Variants in FAM149A observed in about 807,000 individuals in gnomAD.
FAM149A encodes family with sequence similarity 149 member A.
A neutral mutation model predicts 78.2 loss-of-function variants in FAM149A; 71 were observed. That is an observed-to-expected ratio of 0.91 (90% CI 0.75 to 1.11). The LOEUF is 1.11. Ranked by LOEUF, FAM149A falls within the 50% of genes least tolerant of loss-of-function variation. The pLI, the probability that FAM149A is intolerant of heterozygous loss-of-function variation, is 0.00. For missense variants in FAM149A, 1,036 were observed against 971.0 expected (o/e 1.07, Z -0.89); for synonymous variants, 446 against 410.5 (o/e 1.09, Z -1.04).
intron 5 of FAM149A, among the ~76,000 whole-genome samples, 181 bp from the exon 6 acceptor site, chr4:186,154,287 T>A (rs1319130526): frequency 1.3e-5 from 2 of 152,236 alleles, no homozygotes; most frequent in African/African-American, 4.8e-5. Flanking sequence ...TTAAAATGTT[T>A]AATGATGCCT....
At chr4:186,120,460 A>G (rs1375848599) in intron 1 of FAM149A, among the ~76,000 whole-genome samples, 1 of 152,058 alleles carries the variant, frequency 6.6e-6, no homozygotes, top group East Asian at 1.9e-4. Flanking sequence ...GAACAAAATA[A>G]CTCCAAAGAA....
At chr4:186,109,126 C>T (rs2150076636) in intron 1 of FAM149A, 4 of 980,758 alleles carry the variant, frequency 4.1e-6, no homozygotes, top group South Asian at 9.4e-5. Flanking sequence ...GGATTACAGG[C>T]TTGAGCCACC....
intron 9 of FAM149A, among the ~76,000 whole-genome samples, 172 bp from the exon 10 acceptor site, chr4:186,163,252 C>A (rs1456541463): frequency 6.6e-6 from 1 of 152,188 alleles, no homozygotes; most frequent in Non-Finnish European, 1.5e-5. Context: ...GTGGATGATT[C>A]TTCATTGAAA....
At chr4:186,138,683 G>A (rs752744637) in intron 1 of FAM149A, among the ~76,000 whole-genome samples, 37 of 152,254 alleles carry the variant, frequency 2.4e-4, no homozygotes, top group Middle Eastern at 3.4e-3. Flanking sequence ...GCTGGGGTTC[G>A]CCTTGTGTTT....
chr4:186,158,173 C>G, intron 8 of FAM149A: 1 of 1,280,702 alleles, frequency 7.8e-7, no homozygotes, highest in South Asian at 1.3e-5. Flanking sequence ...TCACTGCTGC[C>G]ACCAGAGCCA....
Position 186,156,178 on chromosome 4 carries a change from A to T in FAM149A, c.1408A>T (p.Thr470Ser), listed in dbSNP as rs1338096565. ...AGAGCTGATTAGAAAACACTGGGAAACTACACTCACAGGTACTTACATGCA... is the reference window on the plus strand; with the variant it reads ...AGAGCTGATTAGAAAACACTGGGAATCTACACTCACAGGTACTTACATGCA... Residue 470 changes from threonine (T) to serine (S), a missense_variant, in exon 7 of 14, where the codon ACT (threonine) becomes TCT (serine). Transcript: ENST00000389354. 1 of 1,612,226 alleles carries T rather than the reference A, an allele frequency of 6.2e-7. No individual in the cohort carries two copies. Among genetic ancestry groups the T allele is most frequent in the Non-Finnish European group, 8.5e-7 (1 of 1,179,296 alleles).
chr4:186,128,069 C>T (rs12163744), intron 1 of FAM149A, among the ~76,000 whole-genome samples: 50,211 of 145,014 alleles, frequency 0.35, 9,079 homozygotes, highest in Non-Finnish European at 0.39. Flanking sequence ...CAGCTCACTG[C>T]AACCTCCGCC....
At chr4:186,150,511 C>T (rs1273307763) in intron 3 of FAM149A, among the ~76,000 whole-genome samples, 1 of 138,734 alleles carries the variant, frequency 7.2e-6, no homozygotes, top group African/African-American at 2.6e-5. Context: ...GCTCCGCCTC[C>T]CGGGTTCACG....
intron 1 of FAM149A, chr4:186,107,665 A>T (rs991715299): frequency 6.6e-6 from 1 of 152,400 alleles, no homozygotes; most frequent in African/African-American, 2.4e-5. Context: ...GCCTCAAGCA[A>T]TCTTCCCACC....
intron 1 of FAM149A, among the ~76,000 whole-genome samples, chr4:186,124,526 T>A (rs946067385): frequency 3.2e-4 from 48 of 151,734 alleles, no homozygotes; most frequent in Non-Finnish European, 5.6e-4. Context: ...TGGGTTTCTG[T>A]CCTTGTGACA....
At chr4:186,147,836 G>A (rs765577456) in intron 1 of FAM149A, among the ~76,000 whole-genome samples, 9 of 152,104 alleles carry the variant, frequency 5.9e-5, no homozygotes, top group Non-Finnish European at 7.3e-5. Context: ...AGCATAAAGC[G>A]TGTCCTTTAT....
intron 1 of FAM149A, among the ~76,000 whole-genome samples, chr4:186,136,996 C>CTCTCTT (rs2099323514): frequency 1.4e-5 from 2 of 139,072 alleles, no homozygotes; most frequent in Admixed American, 7.3e-5. Flanking sequence ...CTCTCTCTCT[C>CTCTCTT]TCTCTCTCTC....
intron 1 of FAM149A, chr4:186,133,205 A>G (rs557888223): frequency 1.3e-5 from 13 of 984,124 alleles, no homozygotes; most frequent in African/African-American, 1.7e-5. Context: ...ATAAATATGC[A>G]TGAGACAGAA....
intron 1 of FAM149A, chr4:186,145,191 G>A: frequency 1.0e-6 from 1 of 967,086 alleles, no homozygotes; most frequent in South Asian, 4.8e-5. Context: ...CCCGCGGGCC[G>A]GCTGCGTCTG....
intron 1 of FAM149A, chr4:186,131,992 G>A (rs1459017960): frequency 2.0e-6 from 2 of 985,334 alleles, no homozygotes; most frequent in Non-Finnish European, 2.4e-6. Context: ...TTTTTGAATG[G>A]GTTTAGCTTC....
intron 1 of FAM149A, chr4:186,132,990 T>C (rs1044514822): frequency 2.0e-6 from 2 of 985,278 alleles, no homozygotes; most frequent in African/African-American, 3.5e-5. Flanking sequence ...GACGCTGTGC[T>C]CTGAGACGAG....
chr4:186,156,282 C>A, intron 7 of FAM149A, 92 bp downstream of exon 7: 1 of 1,022,498 alleles, frequency 9.8e-7, no homozygotes, highest in Non-Finnish European at 1.4e-6. Context: ...AGACCTAGAA[C>A]GTGACCAGTG....
chr4:186,132,020 T>C, intron 1 of FAM149A: 1 of 985,470 alleles, frequency 1.0e-6, no homozygotes, highest in Non-Finnish European at 1.2e-6. Context: ...GCTTTCTTAT[T>C]ATCTCCATAA....
In FAM149A at chr4:186,153,765, CAG is replaced by C; in HGVS notation, c.1058_1058+1del. On this transcript the variant is annotated frameshift_variant, in exon 5 of 14. Coordinates refer to ENST00000389354, the MANE Select transcript of FAM149A (RefSeq NM_001367768.3). LOFTEE classifies it high-confidence loss of function. The stretch of plus-strand genomic sequence containing the variant: ...GTGCCTGCGGACACAGCAGCAACAT[CAG>C]AGAGTATGTTCAGATAAGTGACTCT... The C allele has an allele frequency of 6.2e-7, 1 of 1,606,286 alleles. No individual in the cohort carries two copies. The highest frequency in any genetic ancestry group is 1.1e-5 in the South Asian group (1 of 90,762).
Sources: gnomAD v4.1 joint callset for allele counts (sites outside exome capture counted in the v4.1 genomes callset) on GRCh38, gnomAD v4.1.1 for gene constraint, MANE v1.5 for transcripts, NCBI Gene and HGNC (gene_info 2026-07-23, HGNC 2026-07-21) for gene names.